OAS3: variants seen among roughly 807,000 people sequenced by gnomAD.
OAS3 encodes 2'-5'-oligoadenylate synthetase 3, also known as 2'-5'-oligoadenylate synthase 3.
In OAS3, 107 loss-of-function variants were observed where a neutral mutation model predicts 113.0. The ratio of observed to expected loss-of-function variants is 0.95; its 90% CI spans 0.81 to 1.11. The LOEUF (loss-of-function observed/expected upper bound fraction) is 1.11, where lower values mean the gene tolerates loss of function less well. Among genes scored for constraint, OAS3 ranks in the 50% most tolerant of loss-of-function variants. OAS3 has a pLI of 0.00. For missense variants in OAS3, 1,258 were observed against 1,389.1 expected (o/e 0.91, Z 1.50); for synonymous variants, 552 against 573.6 (o/e 0.96, Z 0.54).
At position 112,965,743 on chromosome 12, in the gene OAS3, G is replaced by A; in HGVS notation, c.2404-1G>A. The stretch of plus-strand genomic sequence containing the variant: ...TGAGCCACCTGCCATGTCCTCTCCA[G>A]GGTGGCTCTTCAGCCAAAGGCACAG... On this transcript the variant is annotated splice_acceptor_variant, in intron 11 of 15. Transcript: ENST00000228928. LOFTEE classifies it high-confidence loss of function. The A allele has an allele frequency of 6.2e-7, 1 of 1,607,520 alleles. No homozygotes were observed. The highest frequency in any genetic ancestry group is 8.5e-7 in the Non-Finnish European group (1 of 1,178,398).
chr12:112,955,504 A>G (rs1161769416), intron 7 of OAS3, among the ~76,000 whole-genome samples: 1 of 152,160 alleles, frequency 6.6e-6, no homozygotes, highest in African/African-American at 2.4e-5. Flanking sequence ...ATCAATACCT[A>G]GTTTATTGAG....
rs1427319947 is a variant in OAS3 at position 112,962,801 on chromosome 12, C to T, written c.1983C>T (p.Leu661=). Residue 661 remains leucine (L), a synonymous_variant, in exon 9 of 16, where the codon CTC becomes CTT. Transcript: ENST00000228928. ...MAQGFRTVLG[L]VQQHQQLCVY... ...AAGGCTTCCGGACGGTGCTGGGGCT[C>T]GTGCAACAGCATCAGCAGCTCTGTG... is the stretch of plus-strand genomic sequence containing the variant. 6 of 1,614,024 alleles carry T rather than the reference C, an allele frequency of 3.7e-6. No homozygotes were observed. The highest frequency in any genetic ancestry group is 2.2e-5 in the South Asian group (2 of 91,076).
intron 6 of OAS3, 180 bp from the exon 7 acceptor site, chr12:112,950,511 ACT>A (rs1286108336): frequency 7.4e-6 from 5 of 672,740 alleles, no homozygotes; most frequent in East Asian, 2.6e-5. Context: ...ATACAACTTG[ACT>A]CTCTGTCACA....
intron 7 of OAS3, among the ~76,000 whole-genome samples, chr12:112,957,432 G>C (rs1247072595): frequency 6.6e-6 from 1 of 152,156 alleles, no homozygotes; most frequent in Non-Finnish European, 1.5e-5. Context: ...TCCTAGCATC[G>C]ATGGTCTTTA....
At chr12:112,956,533 T>A (rs1054401419) in intron 7 of OAS3, among the ~76,000 whole-genome samples, 1 of 152,268 alleles carries the variant, frequency 6.6e-6, no homozygotes, top group African/African-American at 2.4e-5. Flanking sequence ...TCTGGTATGT[T>A]GTGTCTTTGT....
In OAS3 at chr12:112,964,402, G is replaced by A; in HGVS notation, c.2397G>A (p.Val799=). The change falls in exon 11 of 16, where the codon GTG becomes GTA. Residue 799 remains valine, a synonymous_variant. Transcript: ENST00000228928. ...FRNSPIKVIK[V]VKGGSSAKGT... Reference sequence around the variant, plus strand: ...ATTCTCCCATCAAAGTGATCAAGGTGGTCAAGGTGAGTCCTCAGAGAGCTG... The same window carrying A: ...ATTCTCCCATCAAAGTGATCAAGGTAGTCAAGGTGAGTCCTCAGAGAGCTG... 6.2e-7 allele frequency: 1 copy of A among 1,611,044 alleles called. No homozygotes were observed. Among genetic ancestry groups the A allele is most frequent in the African/African-American group, 1.3e-5 (1 of 75,010 alleles).
chr12:112,940,814 C>T (rs755596728), intron 1 of OAS3, among the ~76,000 whole-genome samples: 1 of 152,112 alleles, frequency 6.6e-6, no homozygotes, highest in Non-Finnish European at 1.5e-5. Context: ...ACCAGTCTGG[C>T]CAACATGGTG....
Position 112,948,049 on chromosome 12 carries a change from C to T in OAS3, c.979C>T (p.Pro327Ser), listed in dbSNP as rs767368093. 5.7e-6 allele frequency: 9 copies of T among 1,588,252 alleles called. No homozygotes were observed. The Admixed American group carries it at 1.1e-4, about 19-fold the overall frequency. The change falls in exon 5 of 16, where the codon CCA becomes TCA. Residue 327 changes from proline (P) to serine (S), a missense_variant. Transcript: ENST00000228928. Reference sequence around the variant, plus strand: ...GGAGGCAGCATCCTGCTATGACCACCCATGCTTTCTGAGGGGGATGGGGGA... The same window carrying T: ...GGAGGCAGCATCCTGCTATGACCACTCATGCTTTCTGAGGGGGATGGGGGA... ...AQEAASCYDH[P>S]CFLRGMGDPV...
At chr12:112,953,222 G>A (rs945314483) in intron 7 of OAS3, among the ~76,000 whole-genome samples, 1 of 151,946 alleles carries the variant, frequency 6.6e-6, no homozygotes, top group African/African-American at 2.4e-5. Flanking sequence ...CCACCTATGA[G>A]TGAGAACATG....
intron 4 of OAS3, 26 bp downstream of exon 4, chr12:112,947,007 C>T: frequency 6.3e-7 from 1 of 1,585,330 alleles, no homozygotes; most frequent in South Asian, 1.1e-5. Flanking sequence ...CCACCATCTG[C>T]TCTCCTGTCC....
At position 112,969,655 on chromosome 12, in the gene OAS3, A is replaced by ATGCCC. The variant is rs1351016688; in HGVS notation, c.3153_3157dup (p.Arg1053LeufsTer33). ...GACCCGACAGGCAACCTGGGCCACAATGCCCGCTGGGACCTGCTGGCCAAG... is the reference window on the plus strand; with the variant it reads ...GACCCGACAGGCAACCTGGGCCACAATGCCCTGCCCGCTGGGACCTGCTGGCCAAG... On this transcript the variant is annotated frameshift_variant, in exon 15 of 16. Transcript: ENST00000228928. LOFTEE classifies it high-confidence loss of function. 6.2e-7 allele frequency: 1 copy of ATGCCC among 1,608,648 alleles called. No homozygotes were observed. The highest frequency in any genetic ancestry group is 1.1e-5 in the South Asian group (1 of 89,720).
At chr12:112,964,455 G>C in intron 11 of OAS3, 47 bp downstream of exon 11, 1 of 1,574,436 alleles carries the variant, frequency 6.4e-7, no homozygotes, top group South Asian at 1.2e-5. Context: ...GCAAGCTGGT[G>C]ATCTCTCCCA....
rs1210291543 is a variant in OAS3, at chr12:112,953,954, ATGG to A, written c.1657+2981_1657+2983del. Among the ~76,000 whole-genome samples the A allele has an allele frequency of 2.2e-4, 33 of 152,282 alleles. 3 individuals carry two copies. Among genetic ancestry groups the A allele is most frequent in the South Asian group, 1.0e-3 (5 of 4,830 alleles). On this transcript the variant is annotated intron_variant, in intron 7 of 15. Coordinates refer to ENST00000228928, the MANE Select transcript of OAS3 (RefSeq NM_006187.4). The stretch of plus-strand genomic sequence containing the variant: ...TTCTGTAGGTTGCTTGTTCACTCTG[ATGG>A]TAGTTTCTTTTGCTGTGCAGAAACT...
Position 112,944,554 on chromosome 12 carries a change from ATGCGGCCTGCTTCACAGAGC to A in OAS3, c.545_564del (p.Ala182GlufsTer54). On this transcript the variant is annotated frameshift_variant, in exon 3 of 16. Coordinates refer to ENST00000228928, the MANE Select transcript of OAS3 (RefSeq NM_006187.4). LOFTEE classifies it high-confidence loss of function. ...AACAGTGGCTGCCAAGGGGGCGAGC[ATGCGGCCTGCTTCACAGAGC>A]TGCGGAGGAACTTTGTGAACATTCG... 1 of 1,614,096 alleles carries A rather than the reference ATGCGGCCTGCTTCACAGAGC, an allele frequency of 6.2e-7. No individual in the cohort carries two copies. The highest frequency in any genetic ancestry group is 2.2e-5 in the East Asian group (1 of 44,888).
At chr12:112,953,677 A>G (rs1204986450) in intron 7 of OAS3, among the ~76,000 whole-genome samples, 5 of 151,966 alleles carry the variant, frequency 3.3e-5, no homozygotes, top group Admixed American at 2.6e-4. Context: ...AATGATCGCC[A>G]TTCTAACTGG....
In OAS3 at chr12:112,948,944, C is replaced by T. The variant is rs530838879; in HGVS notation, c.1113C>T (p.Ser371=). The T allele has an allele frequency of 3.1e-6, 5 of 1,613,140 alleles. No homozygotes were observed. The highest frequency in any genetic ancestry group is 2.2e-5 in the East Asian group (1 of 44,856). ...PNQKTPENSK[S]LNAVYPRAGS... is the part of the protein sequence containing the mutation. ...AGAAGACCCCTGAAAACAGCAAGAG[C>T]CTCAATGCTGTGTACCCAAGAGCAG... Residue 371 remains serine, a synonymous_variant, in exon 6 of 16, where the codon AGC becomes AGT. Transcript: ENST00000228928.
chr12:112,944,285 G>A (rs989843067), intron 2 of OAS3, among the ~76,000 whole-genome samples, 191 bp from the exon 3 acceptor site: 5 of 152,136 alleles, frequency 3.3e-5, no homozygotes, highest in African/African-American at 9.7e-5. Flanking sequence ...CTGGAGTGCC[G>A]CTCTTCTTCC....
At chr12:112,942,422 T>C (rs1356019668) in intron 2 of OAS3, 2 of 158,488 alleles carry the variant, frequency 1.3e-5, no homozygotes, top group African/African-American at 4.9e-5. Flanking sequence ...TAGAAGTGTG[T>C]CTAGTGGGCC....
chr12:112,945,634 C>T (rs1279010372), intron 3 of OAS3, among the ~76,000 whole-genome samples: 1 of 152,186 alleles, frequency 6.6e-6, no homozygotes. Context: ...AAGCAGGTCT[C>T]TCAAGGAAGA....
Sources: gnomAD v4.1 joint callset for allele counts (sites outside exome capture counted in the v4.1 genomes callset) on GRCh38, gnomAD v4.1.1 for gene constraint, MANE v1.5 for transcripts, NCBI Gene and HGNC (gene_info 2026-07-23, HGNC 2026-07-21) for gene names.